Variants in EML5 observed in about 807,000 individuals in gnomAD.
The protein encoded by EML5 is EMAP like 5.
In EML5, 120 loss-of-function variants were observed where a neutral mutation model predicts 250.0. The observed-to-expected ratio is 0.48, with a 90% CI of 0.41 to 0.56. The LOEUF is 0.56. Ranked by LOEUF, EML5 falls within the 20% of genes least tolerant of loss-of-function variation. EML5 has a pLI of 0.00. For synonymous variants in EML5, 771 were observed against 806.5 expected, an observed-to-expected ratio of 0.96 and a Z score of 0.75; for missense variants, 2,006 against 2,437.6, an observed-to-expected ratio of 0.82 and a Z score of 3.73.
chr14:88,690,807 T>A (rs1221603558), intron 17 of EML5, among the ~76,000 whole-genome samples: 1 of 152,116 alleles, frequency 6.6e-6, no homozygotes, highest in Non-Finnish European at 1.5e-5. Flanking sequence ...CTTGAGTAGA[T>A]GAGAGAAAGA....
chr14:88,730,034 A>G (rs530208653), intron 7 of EML5, among the ~76,000 whole-genome samples: 1 of 152,184 alleles, frequency 6.6e-6, no homozygotes, highest in African/African-American at 2.4e-5. Flanking sequence ...TTACAACTTG[A>G]CAGAATTTTG....
chr14:88,666,790 G>T (rs768779140), intron 21 of EML5, among the ~76,000 whole-genome samples: 1 of 152,090 alleles, frequency 6.6e-6, no homozygotes, highest in Non-Finnish European at 1.5e-5. Flanking sequence ...TTGGTATCTT[G>T]TATGAAATCT....
At chr14:88,628,789 T>C (rs1287623101) in intron 33 of EML5, among the ~76,000 whole-genome samples, 3 of 152,064 alleles carry the variant, frequency 2.0e-5, no homozygotes, top group Admixed American at 1.3e-4. Context: ...TAATACACAA[T>C]GATAAATTAA....
intron 21 of EML5, among the ~76,000 whole-genome samples, chr14:88,677,434 A>T (rs1159045898): frequency 6.6e-6 from 1 of 152,260 alleles, no homozygotes; most frequent in African/African-American, 2.4e-5. Flanking sequence ...AATTGCAAAA[A>T]GGCAAAAATT....
intron 1 of EML5, among the ~76,000 whole-genome samples, chr14:88,758,708 C>G (rs2094196837): frequency 6.6e-6 from 1 of 152,176 alleles, no homozygotes; most frequent in Admixed American, 6.5e-5. Flanking sequence ...TATGTCCACA[C>G]AAAACTTGTA....
At chr14:88,673,399 G>A (rs1302978967) in intron 21 of EML5, among the ~76,000 whole-genome samples, 1 of 151,616 alleles carries the variant, frequency 6.6e-6, no homozygotes, top group East Asian at 1.9e-4. Flanking sequence ...AAATAATAAT[G>A]ATAAACCCAC....
chr14:88,740,192 C>A (rs1320470802), intron 5 of EML5, among the ~76,000 whole-genome samples, 195 bp downstream of exon 5: 1 of 151,994 alleles, frequency 6.6e-6, no homozygotes. Flanking sequence ...ACTAATTATA[C>A]TAATGTAATA....
At chr14:88,638,743 G>T in intron 32 of EML5, 66 bp downstream of exon 32, 1 of 1,342,954 alleles carries the variant, frequency 7.4e-7, no homozygotes, top group Non-Finnish European at 1.0e-6. Flanking sequence ...TTTTTCCTTG[G>T]ATATTGAATT....
chr14:88,661,912 T>C (rs1051345046), intron 24 of EML5, 82 bp from the exon 25 acceptor site: 1 of 1,220,466 alleles, frequency 8.2e-7, no homozygotes, highest in Non-Finnish European at 1.1e-6. Context: ...TTTTTCTTTG[T>C]AGTTATGTGT....
intron 25 of EML5, among the ~76,000 whole-genome samples, chr14:88,661,069 G>T (rs2092081824): frequency 1.3e-5 from 2 of 152,086 alleles, no homozygotes; most frequent in Non-Finnish European, 2.9e-5. Flanking sequence ...AATTATTGAA[G>T]TTAATATTGG....
intron 22 of EML5, among the ~76,000 whole-genome samples, 185 bp from the exon 23 acceptor site, chr14:88,664,809 AT>A (rs2092257707): frequency 6.6e-6 from 1 of 152,216 alleles, no homozygotes. Flanking sequence ...TAACAAAATA[AT>A]TTTTTAGTGT....
chr14:88,658,495 T>C (rs1419024643), intron 25 of EML5, 107 bp from the exon 26 acceptor site: 4 of 860,136 alleles, frequency 4.7e-6, no homozygotes, highest in Non-Finnish European at 6.8e-6. Context: ...TCATTTCAAG[T>C]GCAATGTGTT....
chr14:88,757,355 T>G (rs1426507093), intron 1 of EML5, among the ~76,000 whole-genome samples: 1 of 152,160 alleles, frequency 6.6e-6, no homozygotes, highest in Non-Finnish European at 1.5e-5. Flanking sequence ...CTAAAATAAT[T>G]GTTAAAACTC....
chr14:88,786,309 TAC>T (rs551232517), intron 1 of EML5, among the ~76,000 whole-genome samples: 2 of 152,198 alleles, frequency 1.3e-5, no homozygotes, highest in Non-Finnish European at 2.9e-5. Flanking sequence ...TATAAAAATT[TAC>T]ACACATATAT....
At chr14:88,661,490 C>A (rs2092098785) in intron 25 of EML5, among the ~76,000 whole-genome samples, 164 bp downstream of exon 25, 1 of 152,112 alleles carries the variant, frequency 6.6e-6, no homozygotes, top group African/African-American at 2.4e-5. Flanking sequence ...TTATAAATTA[C>A]AATACTTAAA....
Position 88,625,035 on chromosome 14 carries a change from C to T in EML5, c.4833G>A (p.Gly1611=). 3 of 1,612,588 alleles carry T rather than the reference C, an allele frequency of 1.9e-6. No homozygotes were observed. The highest frequency in any genetic ancestry group is 1.7e-4 in the Middle Eastern group (1 of 6,058). ...GGGTGGTGTACATGGCAAACACAGG[C>T]CCGTTGTGAGCTCTCGCCACGATTC... ...LCRIVARAHN[G]PVFAMYTTLR... Residue 1611 remains glycine, a synonymous_variant, in exon 36 of 44, where the codon GGG becomes GGA. Coordinates refer to ENST00000554922, the MANE Select transcript of EML5 (RefSeq NM_183387.3).
At chr14:88,633,580 T>G (rs769833010) in intron 33 of EML5, among the ~76,000 whole-genome samples, 1 of 152,232 alleles carries the variant, frequency 6.6e-6, no homozygotes, top group Non-Finnish European at 1.5e-5. Flanking sequence ...GCTCAAAGTC[T>G]GTGAATTATA....
chr14:88,660,041 C>T (rs143779575), intron 25 of EML5, among the ~76,000 whole-genome samples: 3 of 151,794 alleles, frequency 2.0e-5, no homozygotes, highest in Admixed American at 1.3e-4. Flanking sequence ...TTTAGGATGC[C>T]GAGGCAGGAG....
intron 21 of EML5, among the ~76,000 whole-genome samples, chr14:88,670,015 G>C (rs2092414730): frequency 6.6e-6 from 1 of 152,010 alleles, no homozygotes; most frequent in Non-Finnish European, 1.5e-5. Flanking sequence ...AGAGGGGTCT[G>C]ACTGTTAAAA....
Sources: gnomAD v4.1 joint callset for allele counts (sites outside exome capture counted in the v4.1 genomes callset) on GRCh38, gnomAD v4.1.1 for gene constraint, MANE v1.5 for transcripts, NCBI Gene and HGNC (gene_info 2026-07-23, HGNC 2026-07-21) for gene names.